Variants in PTPRQ observed in about 807,000 individuals in gnomAD.
PTPRQ encodes the protein protein tyrosine phosphatase receptor type Q, also known as phosphatidylinositol phosphatase PTPRQ.
Under a neutral mutation model 246.0 loss-of-function variants are expected in PTPRQ, and 199 were observed. The observed-to-expected ratio is 0.81, with a 90% CI of 0.72 to 0.91. The LOEUF (loss-of-function observed/expected upper bound fraction) is 0.91, where lower values mean the gene tolerates loss of function less well. Ranked by LOEUF, PTPRQ falls within the 40% of genes least tolerant of loss-of-function variation. The pLI is 0.00. For synonymous variants in PTPRQ, 869 were observed against 853.2 expected (o/e 1.02, Z -0.32); for missense variants, 2,624 against 2,528.4 (o/e 1.04, Z -0.81).
intron 25 of PTPRQ, among the ~76,000 whole-genome samples, chr12:80,554,245 T>C (rs994409020): frequency 1.3e-5 from 2 of 152,202 alleles, no homozygotes; most frequent in African/African-American, 4.8e-5. Context: ...AAATGATAAA[T>C]GCTTGAGGTG....
intron 25 of PTPRQ, among the ~76,000 whole-genome samples, chr12:80,563,871 C>G (rs1399319350): frequency 3.3e-5 from 5 of 151,882 alleles, no homozygotes; most frequent in Non-Finnish European, 7.4e-5. Context: ...TGGTTCGGTG[C>G]CTTATTACTG....
chr12:80,636,229 A>T (rs2121181338), intron 35 of PTPRQ, among the ~76,000 whole-genome samples: 1 of 152,336 alleles, frequency 6.6e-6, no homozygotes, highest in South Asian at 2.1e-4. Flanking sequence ...AATGGATAGT[A>T]CTCCAAAGAT....
At chr12:80,607,351 A>G (rs1381086686) in intron 27 of PTPRQ, among the ~76,000 whole-genome samples, 1 of 151,026 alleles carries the variant, frequency 6.6e-6, no homozygotes, top group Non-Finnish European at 1.5e-5. Context: ...ACTCCTTTAG[A>G]TCAACAATAG....
At chr12:80,509,868 G>C (rs1369971989) in intron 16 of PTPRQ, among the ~76,000 whole-genome samples, 3 of 152,078 alleles carry the variant, frequency 2.0e-5, no homozygotes, top group Middle Eastern at 3.4e-3. Flanking sequence ...CATTTGTGAG[G>C]TCAGTCATTT....
At chr12:80,623,399 A>C (rs1899071150) in intron 33 of PTPRQ, among the ~76,000 whole-genome samples, 1 of 152,142 alleles carries the variant, frequency 6.6e-6, no homozygotes, top group Non-Finnish European at 1.5e-5. Context: ...GGTTTGATTA[A>C]TTTTACCCAA....
chr12:80,632,380 A>G (rs758443293), intron 34 of PTPRQ, 89 bp downstream of exon 34: 27 of 1,485,008 alleles, frequency 1.8e-5, no homozygotes, highest in Admixed American at 1.5e-4. Flanking sequence ...CACAACAGTT[A>G]CTTGAATGGG....
At chr12:80,596,546 A>G (rs1278880786) in intron 26 of PTPRQ, among the ~76,000 whole-genome samples, 1 of 151,934 alleles carries the variant, frequency 6.6e-6, no homozygotes, top group Admixed American at 6.6e-5. Flanking sequence ...GAATTCTCCT[A>G]TTTTCTCTGA....
chr12:80,445,954 ATTT>A (rs1053013711), intron 3 of PTPRQ, among the ~76,000 whole-genome samples: 7 of 151,802 alleles, frequency 4.6e-5, no homozygotes, highest in Non-Finnish European at 2.9e-5. Flanking sequence ...TTCTATGAAT[ATTT>A]TTGCATATAT....
At chr12:80,486,010 T>C (rs1408389226) in intron 9 of PTPRQ, among the ~76,000 whole-genome samples, 1 of 152,194 alleles carries the variant, frequency 6.6e-6, no homozygotes, top group Non-Finnish European at 1.5e-5. Context: ...ATATAGCAAG[T>C]GGTTAAGACT....
chr12:80,495,887 A>G lies in PTPRQ; in HGVS notation c.1883-112A>G, dbSNP rs190899683. 6 of 1,265,168 alleles carry G rather than the reference A, an allele frequency of 4.7e-6. No homozygotes were observed. The East Asian group carries it at 1.6e-4, about 33-fold the overall frequency. 78.4% of individuals were successfully genotyped at this position (1,265,168 alleles called of 1,614,324 possible). ...GAGACTGCAATTATTTGGAAGCGAT[A>G]TAGATATCTAGTCCCCCGTATAAAT... is the stretch of plus-strand genomic sequence containing the variant. On this transcript the variant is annotated intron_variant, in intron 12 of 44. Transcript: ENST00000644991.
chr12:80,493,432 CT>C lies in PTPRQ; in HGVS notation c.1518del (p.Glu507LysfsTer8). The C allele has an allele frequency of 6.5e-7, 1 of 1,548,426 alleles. No homozygotes were observed. Among genetic ancestry groups the C allele is most frequent in the Non-Finnish European group, 8.7e-7 (1 of 1,145,324 alleles). Reference protein sequence around the residue: ...PDKNFPARNRAEDQTSPVVTT... With the variant: ...PDKNFPARNRXEDQTSPVVTT... ...AAAAACTTTCCTGCAAGGAATAGAG[CT>C]GAAGACCAGACTTCACCAGTTGGTA... On this transcript the variant is annotated frameshift_variant, in exon 10 of 45. Coordinates refer to ENST00000644991, the MANE Select transcript of PTPRQ (RefSeq NM_001145026.2). LOFTEE classifies it high-confidence loss of function.
Position 80,614,074 on chromosome 12 carries a change from ACT to A in PTPRQ, c.5163+240_5163+241del, listed in dbSNP as rs370790143. 1.9e-3 allele frequency among the ~76,000 whole-genome samples: 290 copies of A among 150,886 alleles called. 1 individual carries two copies. Among genetic ancestry groups the A allele is most frequent in the African/African-American group, 6.8e-3 (281 of 41,400 alleles). The stretch of plus-strand genomic sequence containing the variant: ...AGAAGTTTGCACAATAATAGTAGAA[ACT>A]CAGACATAAAAGAGAAAGAAAATGC... On this transcript the variant is annotated intron_variant, in intron 29 of 44. Transcript: ENST00000644991.
intron 25 of PTPRQ, among the ~76,000 whole-genome samples, chr12:80,553,654 G>A (rs1331781777): frequency 1.3e-5 from 2 of 151,990 alleles, no homozygotes; most frequent in East Asian, 1.9e-4. Context: ...GTATCGTGAC[G>A]ATTGAATTTA....
intron 25 of PTPRQ, among the ~76,000 whole-genome samples, chr12:80,566,276 G>A (rs931238786): frequency 1.3e-5 from 2 of 152,174 alleles, no homozygotes; most frequent in Admixed American, 6.5e-5. Flanking sequence ...TCAGGAGTTC[G>A]AGATCAGCCT....
intron 25 of PTPRQ, among the ~76,000 whole-genome samples, chr12:80,566,557 G>T (rs560285801): frequency 1.9e-4 from 29 of 151,642 alleles, no homozygotes; most frequent in African/African-American, 7.0e-4. Context: ...TTATTTTTTT[G>T]AGACAGGATC....
At chr12:80,566,213 C>T (rs1565790169) in intron 25 of PTPRQ, among the ~76,000 whole-genome samples, 1 of 152,136 alleles carries the variant, frequency 6.6e-6, no homozygotes, top group Non-Finnish European at 1.5e-5. Context: ...CATGGTGGCT[C>T]ATGCCTGTAA....
At chr12:80,572,114 C>T (rs1195984472) in intron 25 of PTPRQ, among the ~76,000 whole-genome samples, 1 of 151,964 alleles carries the variant, frequency 6.6e-6, no homozygotes, top group Non-Finnish European at 1.5e-5. Context: ...TGCATGTATA[C>T]ATCTATACAT....
chr12:80,570,854 T>A (rs986659212), intron 25 of PTPRQ, among the ~76,000 whole-genome samples: 3 of 152,184 alleles, frequency 2.0e-5, no homozygotes, highest in African/African-American at 7.2e-5. Context: ...CATTTCCCCA[T>A]TGCTTGTTTC....
At chr12:80,647,448 C>A (rs564439193) in intron 35 of PTPRQ, among the ~76,000 whole-genome samples, 9 of 152,162 alleles carry the variant, frequency 5.9e-5, no homozygotes, top group Admixed American at 5.2e-4. Flanking sequence ...GGGCACTGGG[C>A]AACAAGTTAT....
Sources: gnomAD v4.1 joint callset for allele counts (sites outside exome capture counted in the v4.1 genomes callset) on GRCh38, gnomAD v4.1.1 for gene constraint, MANE v1.5 for transcripts, NCBI Gene and HGNC (gene_info 2026-07-23, HGNC 2026-07-21) for gene names.